Variants in ZFC3H1 observed in about 807,000 individuals in gnomAD.
ZFC3H1 encodes the protein zinc finger C3H1-type containing, also known as zinc finger C3H1 domain-containing protein.
Under a neutral mutation model 243.7 loss-of-function variants are expected in ZFC3H1, and 71 were observed. The ratio of observed to expected loss-of-function variants is 0.29; its 90% CI spans 0.24 to 0.36. The LOEUF is 0.36. Ranked by LOEUF, ZFC3H1 falls within the 10% of genes least tolerant of loss-of-function variation. The probability of loss-of-function intolerance (pLI) is 1.00; values close to 1 mark genes in which losing one functional copy is unlikely to be tolerated. For missense variants in ZFC3H1, 1,966 were observed against 2,317.1 expected (o/e 0.85, Z 3.11); for synonymous variants, 838 against 813.0 (o/e 1.03, Z -0.52).
intron 6 of ZFC3H1, among the ~76,000 whole-genome samples, chr12:71,639,740 C>T (rs7311278): frequency 0.019 from 2,913 of 152,190 alleles, 105 homozygotes; most frequent in African/African-American, 0.067. Flanking sequence ...GCAAGAGTAG[C>T]CTTCATTCAT....
intron 20 of ZFC3H1, 109 bp downstream of exon 20, chr12:71,628,809 T>G (rs76071350): frequency 8.7e-7 from 1 of 1,149,518 alleles, no homozygotes; most frequent in Admixed American, 3.4e-5. Flanking sequence ...TTAAAAAAAA[T>G]TTTTTTTTAA....
chr12:71,655,590 CA>C (rs1469313291), intron 2 of ZFC3H1, among the ~76,000 whole-genome samples: 1 of 151,934 alleles, frequency 6.6e-6, no homozygotes, highest in African/African-American at 2.4e-5. Context: ...AGACACATTA[CA>C]AAAAATATAG....
At chr12:71,654,128 TAA>T (rs35531704) in intron 2 of ZFC3H1, among the ~76,000 whole-genome samples, 2 of 151,220 alleles carry the variant, frequency 1.3e-5, no homozygotes, top group Non-Finnish European at 3.0e-5. Context: ...AACACATTTT[TAA>T]AAAAAAAGTC....
chr12:71,663,666 C>A lies in ZFC3H1; in HGVS notation c.-56G>T. On this transcript the variant is annotated 5_prime_UTR_variant, in exon 1 of 35. Transcript: ENST00000378743. The stretch of plus-strand genomic sequence containing the variant: ...GCCCTCCGTCCGGGGATCCGCCCGA[C>A]AATTGCCTCGTTTCCCTTCTTTCCT... 1 of 1,555,828 alleles carries A rather than the reference C, an allele frequency of 6.4e-7. No homozygotes were observed. Among genetic ancestry groups the A allele is most frequent in the Non-Finnish European group, 8.7e-7 (1 of 1,151,066 alleles).
intron 1 of ZFC3H1, among the ~76,000 whole-genome samples, chr12:71,657,793 A>T (rs1881058948): frequency 6.6e-6 from 1 of 152,124 alleles, no homozygotes; most frequent in African/African-American, 2.4e-5. Context: ...GTTTGAGACC[A>T]GCCTGGCCAA....
intron 1 of ZFC3H1, chr12:71,660,189 T>C (rs1881128649): frequency 6.6e-6 from 1 of 152,226 alleles, no homozygotes; most frequent in Non-Finnish European, 1.5e-5. Context: ...AAAAAAGGTA[T>C]TATTATAATC....
intron 27 of ZFC3H1, among the ~76,000 whole-genome samples, chr12:71,618,323 A>G (rs1879941270): frequency 6.6e-6 from 1 of 151,848 alleles, no homozygotes; most frequent in Non-Finnish European, 1.5e-5. Context: ...GGTTGAATAG[A>G]TCACTTACTT....
chr12:71,634,255 A>G lies in ZFC3H1; in HGVS notation c.2410T>C (p.Ser804Pro), dbSNP rs202043488. 653 of 1,613,934 alleles carry G rather than the reference A, an allele frequency of 4.0e-4. 2 individuals are homozygous for G. The highest frequency in any genetic ancestry group is 1.1e-3 in the Admixed American group (63 of 59,994). Reference protein sequence around the residue: ...IKSDQLKTSSSSPANSDVEID... With the variant: ...IKSDQLKTSSPSPANSDVEID... ...TCCACATCAGAGTTTGCTGGGGATG[A>G]TGAACTTGTCTTCAGCTGATCTGAT... The change falls in exon 12 of 35, where the codon TCA becomes CCA. Residue 804 changes from serine (S) to proline (P), a missense_variant. Coordinates refer to ENST00000378743, the MANE Select transcript of ZFC3H1 (RefSeq NM_144982.5).
chr12:71,645,775 T>G (rs1290877898), intron 3 of ZFC3H1, among the ~76,000 whole-genome samples: 2 of 152,204 alleles, frequency 1.3e-5, no homozygotes, highest in Non-Finnish European at 2.9e-5. Context: ...CCAATTGAAA[T>G]AACTTTTGCA....
intron 27 of ZFC3H1, among the ~76,000 whole-genome samples, chr12:71,619,092 CCTTA>C (rs765310538): frequency 2.0e-5 from 3 of 150,976 alleles, no homozygotes; most frequent in Non-Finnish European, 4.4e-5. Context: ...TTAGTATATG[CCTTA>C]CTTTGTACAG....
rs1204346964 is a variant in ZFC3H1, at chr12:71,663,724, C to T, written c.-114G>A. On this transcript the variant is annotated 5_prime_UTR_variant, in exon 1 of 35. Coordinates refer to ENST00000378743, the MANE Select transcript of ZFC3H1 (RefSeq NM_144982.5). ...TGGGTCGGTGCGGTCTTACCCTACT[C>T]GGACACCAAGCGGCCTCTGCTCCCC... 2 of 1,294,676 alleles carry T rather than the reference C, an allele frequency of 1.5e-6. No homozygotes were observed. Among genetic ancestry groups the T allele is most frequent in the Non-Finnish European group, 2.1e-6 (2 of 942,758 alleles). The allele number at this position is 1,294,676 out of a possible 1,614,324, so 80.2% of individuals were successfully genotyped here.
intron 1 of ZFC3H1, among the ~76,000 whole-genome samples, chr12:71,659,920 GTCA>G (rs1284799713): frequency 6.6e-6 from 1 of 152,204 alleles, no homozygotes; most frequent in Non-Finnish European, 1.5e-5. Context: ...TAAAAGAGTA[GTCA>G]TTCAAGGGAG....
intron 2 of ZFC3H1, among the ~76,000 whole-genome samples, chr12:71,649,432 CAT>C (rs1165594371): frequency 2.0e-5 from 3 of 152,300 alleles, no homozygotes; most frequent in East Asian, 3.9e-4. Context: ...GGAATGCTGA[CAT>C]GTTTACTTTA....
chr12:71,614,787 C>G (rs764020790), intron 29 of ZFC3H1, 47 bp downstream of exon 29: 1 of 1,595,246 alleles, frequency 6.3e-7, no homozygotes, highest in Non-Finnish European at 8.6e-7. Flanking sequence ...CCCGATCATA[C>G]CCCTTTATCC....
chr12:71,636,795 C>A (rs1880473324), intron 8 of ZFC3H1, 55 bp downstream of exon 8: 1 of 1,589,950 alleles, frequency 6.3e-7, no homozygotes, highest in East Asian at 2.2e-5. Flanking sequence ...AAAAGTAGGA[C>A]TACCGTAAAG....
At chr12:71,635,978 A>T (rs747683342) in intron 9 of ZFC3H1, among the ~76,000 whole-genome samples, 1 of 152,210 alleles carries the variant, frequency 6.6e-6, no homozygotes, top group Admixed American at 6.5e-5. Context: ...GAAAGATTTC[A>T]ACTTGTCTTT....
intron 1 of ZFC3H1, among the ~76,000 whole-genome samples, chr12:71,659,176 C>T (rs1881099294): frequency 6.6e-6 from 1 of 151,528 alleles, no homozygotes; most frequent in Admixed American, 6.6e-5. Context: ...GTTTTACCTA[C>T]CACAGGAGAG....
chr12:71,660,463 G>A (rs1881137037), intron 1 of ZFC3H1: 1 of 150,054 alleles, frequency 6.7e-6, no homozygotes. Flanking sequence ...TCTTATTTAT[G>A]ACAAGTTACT....
intron 20 of ZFC3H1, 51 bp downstream of exon 20, chr12:71,628,867 T>C (rs747916771): frequency 1.3e-6 from 2 of 1,521,542 alleles, no homozygotes; most frequent in African/African-American, 1.4e-5. Context: ...TAAATAAAGA[T>C]GGAACACCAC....
Sources: allele counts gnomAD v4.1 joint callset (sites outside exome capture counted in the v4.1 genomes callset), GRCh38; gene constraint gnomAD v4.1.1; transcripts MANE v1.5; gene names NCBI Gene and HGNC (gene_info 2026-07-23, HGNC 2026-07-21).